C1QTNF6: variants seen among roughly 807,000 people sequenced by gnomAD.
The protein encoded by C1QTNF6 is complement C1q tumor necrosis factor-related protein 6.
A neutral mutation model predicts 20.7 loss-of-function variants in C1QTNF6; 17 were observed. That is an observed-to-expected ratio of 0.82 (90% confidence interval 0.56 to 1.23). C1QTNF6 has a LOEUF of 1.23. Ranked by LOEUF, C1QTNF6 falls within the 50% of genes most tolerant of loss-of-function variation. C1QTNF6 has a pLI of 0.00. For synonymous variants in C1QTNF6, 130 were observed against 156.3 expected, an observed-to-expected ratio of 0.83 and a Z score of 1.25; for missense variants, 329 against 389.7, an observed-to-expected ratio of 0.84 and a Z score of 1.31.
At chr22:37,183,424 G>A (rs969966655) in intron 2 of C1QTNF6, among the ~76,000 whole-genome samples, 19 of 152,226 alleles carry the variant, frequency 1.2e-4, no homozygotes, top group African/African-American at 2.9e-4. Flanking sequence ...GGCCCATCCC[G>A]ACCTGCTCTG....
At chr22:37,187,789 G>A (rs5756541) in intron 1 of C1QTNF6, among the ~76,000 whole-genome samples, 3 of 152,274 alleles carry the variant, frequency 2.0e-5, no homozygotes, top group East Asian at 3.9e-4. Context: ...CCAGGATCAC[G>A]AACTAGCTCT....
chr22:37,196,881 TC>T (rs1268209349), intron 1 of C1QTNF6: 1 of 152,264 alleles, frequency 6.6e-6, no homozygotes, highest in Admixed American at 6.5e-5. Context: ...CCAGGGCTCA[TC>T]CTTGGGCCTC....
chr22:37,192,278 A>G (rs1924868573), upstream of C1QTNF6, among the ~76,000 whole-genome samples: 1 of 152,254 alleles, frequency 6.6e-6, no homozygotes, highest in Non-Finnish European at 1.5e-5. Flanking sequence ...TCTCAATTAC[A>G]TATAACATAT....
At chr22:37,195,554 T>G (rs1366420107) in intron 1 of C1QTNF6, 1 of 152,036 alleles carries the variant, frequency 6.6e-6, no homozygotes, top group Non-Finnish European at 1.5e-5. Context: ...GTCCACAGAG[T>G]GAAGTCAAAG....
At chr22:37,192,756 A>G (rs939703067), upstream of C1QTNF6, among the ~76,000 whole-genome samples, 3 of 152,218 alleles carry the variant, frequency 2.0e-5, no homozygotes, top group African/African-American at 7.2e-5. Flanking sequence ...GAGCTCTTTC[A>G]TATATCAACA....
chr22:37,194,686 C>T (rs1925034894), intron 2 of C1QTNF6, among the ~76,000 whole-genome samples: 1 of 152,198 alleles, frequency 6.6e-6, no homozygotes, highest in South Asian at 2.1e-4. Context: ...ATTTTCCATT[C>T]CAGGAGACTA....
At chr22:37,189,060 C>T (rs1924634839), upstream of C1QTNF6, among the ~76,000 whole-genome samples, 1 of 152,174 alleles carries the variant, frequency 6.6e-6, no homozygotes, top group South Asian at 2.1e-4. Context: ...GTGGATTATT[C>T]ATGAGTTTTC....
At chr22:37,185,567 T>C in intron 1 of C1QTNF6, 112 bp from the exon 2 acceptor site, 1 of 1,393,242 alleles carries the variant, frequency 7.2e-7, no homozygotes, top group Non-Finnish European at 9.3e-7. Context: ...CTGACCTAAC[T>C]CCAGAGGGAA....
At chr22:37,186,170 A>G (rs976625637) in intron 1 of C1QTNF6, 4 of 981,358 alleles carry the variant, frequency 4.1e-6, no homozygotes, top group Non-Finnish European at 4.8e-6. Context: ...GAGAAGGAAT[A>G]CTGGGTCCTT....
At chr22:37,198,696 G>C (rs1003276190), upstream of C1QTNF6, among the ~76,000 whole-genome samples, 1 of 145,300 alleles carries the variant, frequency 6.9e-6, no homozygotes, top group African/African-American at 2.6e-5. Flanking sequence ...CCCGGTCCCC[G>C]GCCCCCGCCC....
upstream of C1QTNF6, among the ~76,000 whole-genome samples, chr22:37,191,226 G>A (rs1341895709): frequency 6.6e-6 from 1 of 152,106 alleles, no homozygotes. Context: ...TCATTGACTA[G>A]GAAATGTGGA....
chr22:37,180,287 T>C lies in C1QTNF6; in HGVS notation c.*1901A>G, dbSNP rs1265116990. On this transcript the variant is annotated 3_prime_UTR_variant, in exon 3 of 3. Transcript: ENST00000337843. The stretch of plus-strand genomic sequence containing the variant: ...CTTCCTGGCACTTGGTCAGACCCTG[T>C]TTCCGTCATCTGGCCATGGAGCCAC... 2.1e-5 allele frequency: 3 copies of C among 142,894 alleles called. No individual in the cohort carries two copies. 8.9% of individuals were successfully genotyped at this position (142,894 alleles called of 1,614,324 possible).
chr22:37,198,984 G>A (rs1925324173), upstream of C1QTNF6, among the ~76,000 whole-genome samples: 3 of 152,232 alleles, frequency 2.0e-5, no homozygotes, highest in Admixed American at 2.0e-4. Flanking sequence ...TGGGCGGGCT[G>A]TCATGTTTTA....
At chr22:37,193,630 T>A (rs1273928858) in intron 2 of C1QTNF6, among the ~76,000 whole-genome samples, 1 of 152,178 alleles carries the variant, frequency 6.6e-6, no homozygotes, top group Non-Finnish European at 1.5e-5. Context: ...AAACAGCCAA[T>A]ATTTCTGGCT....
chr22:37,190,380 C>G (rs1924737304), upstream of C1QTNF6, among the ~76,000 whole-genome samples: 1 of 152,048 alleles, frequency 6.6e-6, no homozygotes, highest in Non-Finnish European at 1.5e-5. Context: ...AGCTTTGAGC[C>G]CAGCCATGGA....
upstream of C1QTNF6, chr22:37,188,321 A>AT: frequency 3.5e-6 from 2 of 572,168 alleles, no homozygotes; most frequent in Non-Finnish European, 5.1e-6. Context: ...GAGAGGGCGG[A>AT]GGGAGGGCGG....
intron 1 of C1QTNF6, chr22:37,197,556 C>G (rs1425136139): frequency 1.3e-5 from 2 of 152,238 alleles, no homozygotes; most frequent in Non-Finnish European, 2.9e-5. Flanking sequence ...CTGTTCAACC[C>G]ACTTCACAGG....
At chr22:37,191,141 A>G (rs544738256), upstream of C1QTNF6, among the ~76,000 whole-genome samples, 3 of 152,170 alleles carry the variant, frequency 2.0e-5, no homozygotes, top group Non-Finnish European at 2.9e-5. Flanking sequence ...CACCTTTTGA[A>G]GAGAATAAAA....
chr22:37,185,213 C>T lies in C1QTNF6; in HGVS notation c.289+5G>A, dbSNP rs965120859. On this transcript the variant is annotated splice_donor_5th_base_variant and intron_variant, in intron 2 of 2. Coordinates refer to ENST00000337843, the MANE Select transcript of C1QTNF6 (RefSeq NM_031910.4). ...CACTACCAGGCCCCACAGGAGGGCA[C>T]TCACCCTTCAGGATGGTGATATTAA... The T allele has an allele frequency of 7.1e-6, 11 of 1,547,534 alleles. No individual in the cohort carries two copies. Among genetic ancestry groups the T allele is most frequent in the Non-Finnish European group, 8.8e-6 (10 of 1,141,866 alleles).
Sources: allele counts gnomAD v4.1 joint callset (sites outside exome capture counted in the v4.1 genomes callset), GRCh38; gene constraint gnomAD v4.1.1; transcripts MANE v1.5; gene names NCBI Gene and HGNC (gene_info 2026-07-23, HGNC 2026-07-21).